Variants in ERICH1 observed in about 807,000 individuals in gnomAD.
The protein encoded by ERICH1 is glutamate rich 1.
ERICH1 carries 56 observed loss-of-function variants against 39.6 expected under a neutral mutation model. That is an observed-to-expected ratio of 1.41 (90% CI 1.14 to 1.77). ERICH1 has a LOEUF of 1.77. Among genes scored for constraint, ERICH1 ranks in the 40% most tolerant of loss-of-function variants. The pLI is 0.00. For missense variants in ERICH1, 826 were observed against 575.4 expected, an observed-to-expected ratio of 1.44 and a Z score of -4.45; for synonymous variants, 313 against 223.6, an observed-to-expected ratio of 1.40 and a Z score of -3.57.
chr8:728,209 GCTCCGCCAGCCCAACAGCAAGA>G (rs1819235287), intron 1 of ERICH1, among the ~76,000 whole-genome samples: 1 of 152,210 alleles, frequency 6.6e-6, no homozygotes, highest in Non-Finnish European at 1.5e-5. Context: ...CAGGGAGGAG[GCTCCGCCAGCCCAACAGCAAGA>G]CTCCGCCCAG....
rs1809137047 is a variant in ERICH1, at chr8:692,520, A to G, written c.262T>C (p.Cys88Arg). 4.3e-6 allele frequency: 7 copies of G among 1,614,082 alleles called. No individual in the cohort carries two copies. The highest frequency in any genetic ancestry group is 5.9e-6 in the Non-Finnish European group (7 of 1,179,984). ...YVPCWPEPSS[C>R]GSPENASSGD... is the part of the protein sequence containing the mutation. Reference sequence around the variant, plus strand: ...CTGGAGGCGTTCTCGGGGCTCCCACAGCTGCTGGGCTCCGGCCAACAGGGG... The same window carrying G: ...CTGGAGGCGTTCTCGGGGCTCCCACGGCTGCTGGGCTCCGGCCAACAGGGG... Residue 88 changes from cysteine (C) to arginine (R), a missense_variant, in exon 3 of 6, where the codon TGT (cysteine) becomes CGT (arginine). Coordinates refer to ENST00000262109, the MANE Select transcript of ERICH1 (RefSeq NM_207332.3).
intron 2 of ERICH1, among the ~76,000 whole-genome samples, chr8:715,215 G>T (rs1203266667): frequency 6.6e-6 from 1 of 151,418 alleles, no homozygotes; most frequent in Non-Finnish European, 1.5e-5. Flanking sequence ...GTCTCTTCTC[G>T]TGTCTCTCAG....
chr8:635,869 A>G (rs35170578), intron 3 of ERICH1, among the ~76,000 whole-genome samples: 36,117 of 152,170 alleles, frequency 0.24, 4,456 homozygotes, highest in Middle Eastern at 0.35. Flanking sequence ...TGGATCCAAA[A>G]CGCAGCAGGT....
downstream of ERICH1, among the ~76,000 whole-genome samples, chr8:662,073 C>G (rs970028021): frequency 2.0e-5 from 3 of 152,116 alleles, no homozygotes; most frequent in Non-Finnish European, 4.4e-5. Flanking sequence ...CCCACCAGCC[C>G]TGCAATGGCA....
At chr8:693,539 C>T (rs575674219) in intron 2 of ERICH1, among the ~76,000 whole-genome samples, 8 of 152,282 alleles carry the variant, frequency 5.3e-5, no homozygotes, top group African/African-American at 1.7e-4. Flanking sequence ...GTATGCTCCT[C>T]TACCAGAGGT....
intron 1 of ERICH1, among the ~76,000 whole-genome samples, chr8:716,721 A>G (rs1279197100): frequency 1.3e-5 from 2 of 152,232 alleles, no homozygotes; most frequent in South Asian, 2.1e-4. Flanking sequence ...AAAGTCGCAC[A>G]GTGGAAATCA....
chr8:648,430 C>T (rs1362247727), intron 3 of ERICH1, among the ~76,000 whole-genome samples: 1 of 55,962 alleles, frequency 1.8e-5, no homozygotes, highest in Admixed American at 1.7e-4. Flanking sequence ...AGGCTGATGA[C>T]ACAGTCGTGT....
intron 3 of ERICH1, among the ~76,000 whole-genome samples, chr8:683,030 T>C (rs1349069954): frequency 6.6e-6 from 1 of 152,206 alleles, no homozygotes. Flanking sequence ...AGTGTGTTGT[T>C]TGCCTAAAAT....
intron 1 of ERICH1, among the ~76,000 whole-genome samples, chr8:716,359 C>T (rs1036628893): frequency 6.6e-6 from 1 of 152,270 alleles, no homozygotes; most frequent in Non-Finnish European, 1.5e-5. Context: ...CAGGCCATGA[C>T]CCCTGTCAGT....
At chr8:689,765 C>T (rs973012924) in intron 3 of ERICH1, among the ~76,000 whole-genome samples, 2 of 151,994 alleles carry the variant, frequency 1.3e-5, no homozygotes, top group African/African-American at 4.8e-5. Context: ...TCCTGTAATG[C>T]GGTCTACACA....
chr8:628,970 C>A (rs143605472), intron 3 of ERICH1, among the ~76,000 whole-genome samples: 1 of 152,062 alleles, frequency 6.6e-6, no homozygotes, highest in Non-Finnish European at 1.5e-5. Context: ...AGGGAGGGCC[C>A]GGCACCCACC....
intron 3 of ERICH1, among the ~76,000 whole-genome samples, chr8:616,850 CAGAA>C (rs1191926693): frequency 5.9e-5 from 6 of 101,786 alleles, no homozygotes; most frequent in Non-Finnish European, 1.2e-4. Context: ...GAGAGGGAGA[CAGAA>C]AGAGACAGAG....
chr8:688,244 G>A (rs890332040), intron 3 of ERICH1, among the ~76,000 whole-genome samples: 5 of 72,938 alleles, frequency 6.9e-5, no homozygotes, highest in African/African-American at 1.1e-4. Context: ...CGCAGAAAAG[G>A]TAAAGCGGCA....
At chr8:706,154 C>T (rs756275206) in intron 2 of ERICH1, among the ~76,000 whole-genome samples, 2 of 152,176 alleles carry the variant, frequency 1.3e-5, no homozygotes, top group Non-Finnish European at 1.5e-5. Flanking sequence ...TGTGTGTAAG[C>T]GCACTTTGCT....
chr8:705,563 A>G (rs1421773305), intron 2 of ERICH1, among the ~76,000 whole-genome samples: 1 of 152,196 alleles, frequency 6.6e-6, no homozygotes, highest in East Asian at 1.9e-4. Flanking sequence ...ACCCACAGCT[A>G]ACATCATACA....
chr8:702,005 A>G (rs972674398), intron 2 of ERICH1, among the ~76,000 whole-genome samples: 2 of 136,192 alleles, frequency 1.5e-5, no homozygotes, highest in Admixed American at 1.7e-4. Context: ...TGAACCTGGG[A>G]GGCGGAGCTT....
intron 3 of ERICH1, among the ~76,000 whole-genome samples, chr8:651,439 C>G (rs1462610840): frequency 6.6e-6 from 1 of 152,204 alleles, no homozygotes; most frequent in Non-Finnish European, 1.5e-5. Flanking sequence ...TTCCGGTAAG[C>G]CTGGGGCTTC....
At chr8:678,127 T>C (rs1272286725) in intron 3 of ERICH1, among the ~76,000 whole-genome samples, 4 of 152,190 alleles carry the variant, frequency 2.6e-5, no homozygotes, top group African/African-American at 9.7e-5. Flanking sequence ...GCGTGTACTT[T>C]TGAAAAGGAA....
At chr8:723,886 G>A (rs535654069) in intron 1 of ERICH1, among the ~76,000 whole-genome samples, 2 of 151,912 alleles carry the variant, frequency 1.3e-5, no homozygotes, top group Admixed American at 1.3e-4. Flanking sequence ...TAGAAATAAA[G>A]GAATAAACTG....
Sources: gnomAD v4.1 joint callset for allele counts (sites outside exome capture counted in the v4.1 genomes callset) on GRCh38, gnomAD v4.1.1 for gene constraint, MANE v1.5 for transcripts, NCBI Gene and HGNC (gene_info 2026-07-23, HGNC 2026-07-21) for gene names.